The following CDH20 variants were observed in gnomAD, a reference collection of about 807,000 sequenced individuals.
The protein encoded by CDH20 is cadherin 20.
In CDH20, 29 loss-of-function variants were observed where a neutral mutation model predicts 74.2. The ratio of observed to expected loss-of-function variants is 0.39; its 90% CI spans 0.29 to 0.53. The LOEUF is 0.53. CDH20 is among the 20% of genes least tolerant of loss of function. The pLI is 0.69. For missense variants in CDH20, 988 were observed against 1,048.3 expected, an observed-to-expected ratio of 0.94 and a Z score of 0.79; for synonymous variants, 469 against 405.4, an observed-to-expected ratio of 1.16 and a Z score of -1.88.
intron 1 of CDH20, among the ~76,000 whole-genome samples, chr18:61,374,066 A>G (rs552925735): frequency 9.2e-5 from 14 of 152,234 alleles, no homozygotes; most frequent in Middle Eastern, 3.4e-3. Flanking sequence ...ATCTAAATCA[A>G]TTCACAATTT....
intron 1 of CDH20, among the ~76,000 whole-genome samples, chr18:61,348,772 C>G (rs901000482): frequency 6.6e-6 from 1 of 152,028 alleles, no homozygotes; most frequent in African/African-American, 2.4e-5. Context: ...AAGGAACATT[C>G]GGAGGGGAAT....
In CDH20 at chr18:61,364,074, G is replaced by A. The variant is rs548651564; in HGVS notation, c.-153+30247G>A. On this transcript the variant is annotated intron_variant, in intron 1 of 11. Transcript: ENST00000262717. ...ACAAAATGGCCATCTCTATCTTGAC[G>A]TTAAATTTATTATAACTCCCTGGAT... Among the ~76,000 whole-genome samples, 3 of 152,262 alleles carry A rather than the reference G, an allele frequency of 2.0e-5. No homozygotes were observed. In the South Asian group the frequency reaches 6.2e-4, roughly 32 times the overall value.
intron 1 of CDH20, among the ~76,000 whole-genome samples, chr18:61,450,143 C>T (rs1422322528): frequency 6.6e-6 from 1 of 151,992 alleles, no homozygotes; most frequent in Admixed American, 6.6e-5. Context: ...TTATTTTACT[C>T]CATTTAATAC....
intron 1 of CDH20, among the ~76,000 whole-genome samples, chr18:61,431,042 A>G (rs1009078162): frequency 1.3e-5 from 2 of 152,166 alleles, no homozygotes; most frequent in South Asian, 4.1e-4. Context: ...AGACCTATGT[A>G]TCTGTAATTC....
chr18:61,358,294 T>C (rs1271244236), intron 1 of CDH20, among the ~76,000 whole-genome samples: 1 of 151,694 alleles, frequency 6.6e-6, no homozygotes, highest in Non-Finnish European at 1.5e-5. Flanking sequence ...TTTGTATTTT[T>C]TTTTTTTAGT....
At chr18:61,492,640 C>T (rs760188753) in intron 2 of CDH20, among the ~76,000 whole-genome samples, 1 of 152,204 alleles carries the variant, frequency 6.6e-6, no homozygotes, top group South Asian at 2.1e-4. Flanking sequence ...ACCTGTCAAG[C>T]ACTGCCTTTA....
At chr18:61,342,200 C>T (rs1909974640) in intron 1 of CDH20, among the ~76,000 whole-genome samples, 2 of 152,246 alleles carry the variant, frequency 1.3e-5, no homozygotes, top group Admixed American at 1.3e-4. Flanking sequence ...CTATTTCACT[C>T]ATGTCAAAAC....
intron 9 of CDH20, among the ~76,000 whole-genome samples, chr18:61,540,124 G>A (rs1456392144): frequency 6.6e-6 from 1 of 152,126 alleles, no homozygotes; most frequent in East Asian, 1.9e-4. Context: ...TTTGTAAGAT[G>A]CTTTCCTCCC....
At chr18:61,553,351 GATT>G (rs900792843) in intron 11 of CDH20, among the ~76,000 whole-genome samples, 4 of 152,086 alleles carry the variant, frequency 2.6e-5, no homozygotes, top group African/African-American at 9.7e-5. Context: ...AGCTCAATGG[GATT>G]ATCTCTATCT....
At chr18:61,416,352 G>A (rs778805644) in intron 1 of CDH20, among the ~76,000 whole-genome samples, 6 of 152,114 alleles carry the variant, frequency 3.9e-5, no homozygotes, top group Non-Finnish European at 8.8e-5. Flanking sequence ...AATAACATTT[G>A]CCATTTTGGT....
intron 2 of CDH20, among the ~76,000 whole-genome samples, chr18:61,491,895 G>A (rs1051379925): frequency 6.6e-6 from 1 of 151,690 alleles, no homozygotes; most frequent in East Asian, 1.9e-4. Flanking sequence ...TTTCTCAGCC[G>A]CGTTTGTGGG....
intron 1 of CDH20, among the ~76,000 whole-genome samples, chr18:61,367,498 A>T (rs537759079): frequency 6.6e-6 from 1 of 152,294 alleles, no homozygotes; most frequent in Non-Finnish European, 1.5e-5. Context: ...AGGGGTCAGC[A>T]GAGCTTCGTT....
chr18:61,356,747 AG>A (rs1910507565), intron 1 of CDH20, among the ~76,000 whole-genome samples: 1 of 152,218 alleles, frequency 6.6e-6, no homozygotes, highest in Non-Finnish European at 1.5e-5. Flanking sequence ...TCCCTAGCAA[AG>A]GAAACAAAAA....
intron 7 of CDH20, among the ~76,000 whole-genome samples, chr18:61,532,030 T>A (rs1283790812): frequency 6.6e-6 from 1 of 152,228 alleles, no homozygotes; most frequent in Non-Finnish European, 1.5e-5. Context: ...AAGTCTTGTT[T>A]CCTTAGACAA....
chr18:61,356,977 T>C (rs141170797), intron 1 of CDH20, among the ~76,000 whole-genome samples: 158 of 152,324 alleles, frequency 1.0e-3, no homozygotes, highest in African/African-American at 3.7e-3. Context: ...ATGTAGAAAC[T>C]AGTTCAATAG....
chr18:61,348,831 G>A (rs1391066454), intron 1 of CDH20, among the ~76,000 whole-genome samples: 1 of 152,146 alleles, frequency 6.6e-6, no homozygotes, highest in African/African-American at 2.4e-5. Flanking sequence ...ACAAACTTCA[G>A]CTTGGTAAAA....
intron 9 of CDH20, among the ~76,000 whole-genome samples, chr18:61,544,770 G>A (rs1913173575): frequency 6.6e-6 from 1 of 152,048 alleles, no homozygotes; most frequent in Non-Finnish European, 1.5e-5. Flanking sequence ...GAGTGGTCTT[G>A]GAAAATGCAA....
At chr18:61,356,264 T>C (rs1910493111) in intron 1 of CDH20, among the ~76,000 whole-genome samples, 2 of 152,234 alleles carry the variant, frequency 1.3e-5, no homozygotes, top group African/African-American at 4.8e-5. Flanking sequence ...GTGCAGCAAA[T>C]GTATGCATTC....
At chr18:61,482,746 C>T (rs1910632105) in intron 1 of CDH20, among the ~76,000 whole-genome samples, 2 of 151,660 alleles carry the variant, frequency 1.3e-5, no homozygotes, top group Admixed American at 6.6e-5. Context: ...CCTCCCCCAA[C>T]CCAGCCTTCC....
Sources: allele counts gnomAD v4.1 joint callset (sites outside exome capture counted in the v4.1 genomes callset), GRCh38; gene constraint gnomAD v4.1.1; transcripts MANE v1.5; gene names NCBI Gene and HGNC (gene_info 2026-07-23, HGNC 2026-07-21).